The following GALNTL6 variants were observed in gnomAD, a reference collection of about 807,000 sequenced individuals.
GALNTL6 encodes the protein polypeptide N-acetylgalactosaminyltransferase-like 6.
A neutral mutation model predicts 73.7 loss-of-function variants in GALNTL6; 46 were observed. The ratio of observed to expected loss-of-function variants is 0.62; its 90% CI spans 0.49 to 0.80. The LOEUF is 0.80. Ranked by LOEUF, GALNTL6 falls within the 30% of genes least tolerant of loss-of-function variation. The pLI is 0.00. For missense variants in GALNTL6, 604 were observed against 755.0 expected (o/e 0.80, Z 2.34); for synonymous variants, 259 against 263.7 (o/e 0.98, Z 0.17).
intron 5 of GALNTL6, among the ~76,000 whole-genome samples, chr4:172,696,469 C>T (rs1485202394): frequency 4.6e-5 from 7 of 151,804 alleles, no homozygotes; most frequent in Admixed American, 1.3e-4. Flanking sequence ...TGACTATGTC[C>T]CCCACTAATC....
Position 172,816,175 on chromosome 4 carries a change from G to A in GALNTL6, c.923+2452G>A, listed in dbSNP as rs550788595. Among the ~76,000 whole-genome samples, 21 of 152,320 alleles carry A rather than the reference G, an allele frequency of 1.4e-4. 1 individual carries two copies. In the South Asian group the frequency reaches 4.4e-3, roughly 32 times the overall value. On this transcript the variant is annotated intron_variant, in intron 7 of 12. Transcript: ENST00000506823. The stretch of plus-strand genomic sequence containing the variant: ...TTCTGTGGGAAGACAGGGAGAGGAG[G>A]CTGAAAGGCTAGGAAGAAGGGAAAC...
intron 5 of GALNTL6, among the ~76,000 whole-genome samples, chr4:172,472,308 T>G (rs17058526): frequency 0.038 from 5,777 of 152,254 alleles, 343 homozygotes; most frequent in African/African-American, 0.13. Flanking sequence ...TCAATAATTG[T>G]TCTGTATCCA....
chr4:172,422,875 C>T (rs1731100132), intron 5 of GALNTL6, among the ~76,000 whole-genome samples: 1 of 151,156 alleles, frequency 6.6e-6, no homozygotes, highest in Non-Finnish European at 1.5e-5. Context: ...ATTGTACATT[C>T]CACACTTATT....
intron 8 of GALNTL6, among the ~76,000 whole-genome samples, chr4:172,893,874 A>T (rs1199709330): frequency 6.6e-6 from 1 of 151,982 alleles, no homozygotes; most frequent in South Asian, 2.1e-4. Context: ...AGGTCATAGG[A>T]TCTCATGTAT....
chr4:172,614,316 G>C (rs1045988199), intron 5 of GALNTL6, among the ~76,000 whole-genome samples: 2 of 152,126 alleles, frequency 1.3e-5, no homozygotes, highest in Non-Finnish European at 2.9e-5. Context: ...ATTTCTTGAA[G>C]AAATAGCTGT....
intron 2 of GALNTL6, among the ~76,000 whole-genome samples, chr4:171,923,421 G>C (rs147507065): frequency 9.7e-5 from 13 of 133,462 alleles, no homozygotes; most frequent in Non-Finnish European, 1.8e-4. Flanking sequence ...TTTTTGAGAC[G>C]GAGTCTCGCT....
intron 2 of GALNTL6, among the ~76,000 whole-genome samples, chr4:171,939,775 A>G (rs1295806867): frequency 6.6e-6 from 1 of 152,148 alleles, no homozygotes; most frequent in Non-Finnish European, 1.5e-5. Flanking sequence ...TCAAAGTTAG[A>G]TTATACAGGA....
At chr4:173,030,262 C>T (rs1753402680) in intron 12 of GALNTL6, among the ~76,000 whole-genome samples, 1 of 152,178 alleles carries the variant, frequency 6.6e-6, no homozygotes, top group African/African-American at 2.4e-5. Context: ...ATACATTCGC[C>T]CCAGCAATGA....
At chr4:172,753,355 A>C (rs1737543187) in intron 5 of GALNTL6, among the ~76,000 whole-genome samples, 1 of 152,218 alleles carries the variant, frequency 6.6e-6, no homozygotes, top group African/African-American at 2.4e-5. Context: ...CTTTATTAGC[A>C]GCATGAGAAC....
intron 5 of GALNTL6, chr4:172,667,949 CAAT>C (rs1731761331): frequency 6.6e-6 from 1 of 152,194 alleles, no homozygotes; most frequent in Non-Finnish European, 1.5e-5. Context: ...CATTAAATTA[CAAT>C]GACTTCATTT....
At chr4:172,661,513 G>A (rs1731375573) in intron 5 of GALNTL6, among the ~76,000 whole-genome samples, 1 of 151,992 alleles carries the variant, frequency 6.6e-6, no homozygotes, top group Non-Finnish European at 1.5e-5. Context: ...GAATGCAGAA[G>A]ATAAGAACCC....
rs537579705 is a variant in GALNTL6 at position 172,837,254 on chromosome 4, T to C, written c.923+23531T>C. On this transcript the variant is annotated intron_variant, in intron 7 of 12. Coordinates refer to ENST00000506823, the MANE Select transcript of GALNTL6 (RefSeq NM_001034845.3). Reference sequence around the variant, plus strand: ...TCAATTTTCTTTAAACATCAAAATATTTGTGGTCCAGGATTAGATCGTATC... The same window carrying C: ...TCAATTTTCTTTAAACATCAAAATACTTGTGGTCCAGGATTAGATCGTATC... 1.6e-4 allele frequency among the ~76,000 whole-genome samples: 24 copies of C among 152,274 alleles called. No individual in the cohort carries two copies. In the South Asian group the frequency reaches 3.9e-3, roughly 25 times the overall value.
At chr4:171,869,756 A>G (rs1736084650) in intron 2 of GALNTL6, among the ~76,000 whole-genome samples, 1 of 152,072 alleles carries the variant, frequency 6.6e-6, no homozygotes, top group South Asian at 2.1e-4. Context: ...TCATGGAGGC[A>G]GTTTCTGCCA....
chr4:172,593,307 C>T (rs1737725230), intron 5 of GALNTL6, among the ~76,000 whole-genome samples: 2 of 152,178 alleles, frequency 1.3e-5, no homozygotes. Flanking sequence ...TGAACACAGC[C>T]TGTTCTCTCA....
At chr4:172,657,342 C>T (rs1425551454) in intron 5 of GALNTL6, among the ~76,000 whole-genome samples, 1 of 152,034 alleles carries the variant, frequency 6.6e-6, no homozygotes, top group Admixed American at 6.6e-5. Flanking sequence ...ATGATGATTC[C>T]GCAGAACAGC....
chr4:172,099,281 T>A (rs1732444556), intron 2 of GALNTL6, among the ~76,000 whole-genome samples: 1 of 152,086 alleles, frequency 6.6e-6, no homozygotes, highest in Admixed American at 6.6e-5. Context: ...AGGAGTTAAA[T>A]AAGTATGAGC....
intron 8 of GALNTL6, among the ~76,000 whole-genome samples, chr4:172,899,671 G>T (rs7665843): frequency 5.3e-5 from 8 of 152,186 alleles, no homozygotes; most frequent in African/African-American, 1.9e-4. Context: ...AGGCAAACCC[G>T]TAGAGTACAG....
At chr4:171,992,425 T>C (rs1241811172) in intron 2 of GALNTL6, among the ~76,000 whole-genome samples, 3 of 152,006 alleles carry the variant, frequency 2.0e-5, no homozygotes, top group African/African-American at 7.2e-5. Flanking sequence ...CTCTGAAGTC[T>C]CAAGTCTATG....
intron 12 of GALNTL6, among the ~76,000 whole-genome samples, chr4:173,022,066 GGAAGGAAGGAAGGAAGGAAGGAAA>G (rs1561091649): frequency 1.9e-4 from 23 of 118,484 alleles, no homozygotes; most frequent in African/African-American, 7.3e-4. Context: ...AAGGAAGGAA[GGAAGGAAGGAAGGAAGGAAGGAAA>G]GAAGGAAGGA....
Sources: allele counts gnomAD v4.1 joint callset (sites outside exome capture counted in the v4.1 genomes callset), GRCh38; gene constraint gnomAD v4.1.1; transcripts MANE v1.5; gene names NCBI Gene and HGNC (gene_info 2026-07-23, HGNC 2026-07-21).